The following METTL13 variants were observed in gnomAD, a reference collection of about 807,000 sequenced individuals.
The protein encoded by METTL13 is methyltransferase 13, eEF1A N-terminus and K55.
METTL13 carries 52 observed loss-of-function variants against 67.4 expected under a neutral mutation model. The observed-to-expected ratio is 0.77, with a 90% CI of 0.62 to 0.97. The LOEUF (loss-of-function observed/expected upper bound fraction) is 0.97. METTL13 is among the 50% of genes least tolerant of loss of function. METTL13 has a pLI of 0.00. For missense variants in METTL13, 825 were observed against 889.6 expected (o/e 0.93, Z 0.92); for synonymous variants, 354 against 353.6 (o/e 1.00, Z -0.01).
chr1:171,785,008 T>C (rs1049259556), intron 2 of METTL13, among the ~76,000 whole-genome samples: 1 of 152,202 alleles, frequency 6.6e-6, no homozygotes, highest in African/African-American at 2.4e-5. Flanking sequence ...CCAGACTGTT[T>C]GGGTTTCAGT....
rs150628966 is a variant in METTL13 at position 171,784,162 on chromosome 1, G to C, written c.576G>C (p.Gln192His). The C allele has an allele frequency of 3.7e-6, 6 of 1,614,132 alleles. No homozygotes were observed. Among genetic ancestry groups the C allele is most frequent in the Non-Finnish European group, 5.1e-6 (6 of 1,180,058 alleles). Residue 192 changes from glutamine (Q) to histidine (H), a missense_variant, in exon 2 of 8, where the codon CAG becomes CAC. Transcript: ENST00000361735. ...RVHQVANSQD[Q>H]VLEAEPQFSL... ...ACCAAGTGGCCAACAGCCAGGACCA[G>C]GTGTTGGAAGCAGAGCCTCAGTTCT...
chr1:171,793,831 G>A (rs918541743), intron 6 of METTL13, among the ~76,000 whole-genome samples: 4 of 152,204 alleles, frequency 2.6e-5, no homozygotes, highest in Admixed American at 2.0e-4. Flanking sequence ...AAAATGTGCT[G>A]TTTTCAGAGT....
intron 7 of METTL13, among the ~76,000 whole-genome samples, chr1:171,795,019 T>A (rs538894084): frequency 1.3e-5 from 2 of 152,190 alleles, no homozygotes; most frequent in South Asian, 2.1e-4. Context: ...AGAGATAGGA[T>A]CTCAACATGT....
At chr1:171,796,434 T>A in intron 7 of METTL13, 48 bp from the exon 8 acceptor site, 1 of 1,598,060 alleles carries the variant, frequency 6.3e-7, no homozygotes, top group South Asian at 1.1e-5. Context: ...TTGTCTTTCA[T>A]ATGTCTCCTG....
At chr1:171,785,695 C>A (rs148653663) in intron 2 of METTL13, among the ~76,000 whole-genome samples, 184 bp from the exon 3 acceptor site, 162 of 152,286 alleles carry the variant, frequency 1.1e-3, no homozygotes, top group African/African-American at 3.6e-3. Context: ...CTTGGTCCTG[C>A]CTTATGTCTG....
intron 4 of METTL13, among the ~76,000 whole-genome samples, chr1:171,789,718 G>A (rs1657139446): frequency 6.6e-6 from 1 of 152,080 alleles, no homozygotes; most frequent in Admixed American, 6.6e-5. Flanking sequence ...TTTCTTAGAC[G>A]GGAGGTACCA....
At chr1:171,785,386 C>A (rs1656975977) in intron 2 of METTL13, among the ~76,000 whole-genome samples, 1 of 152,240 alleles carries the variant, frequency 6.6e-6, no homozygotes, top group African/African-American at 2.4e-5. Flanking sequence ...GCAGTGAATA[C>A]AAGCGTGGGT....
Position 171,797,016 on chromosome 1 carries a change from G to C in METTL13, c.*260G>C, listed in dbSNP as rs2029863473. 4.3e-6 allele frequency: 2 copies of C among 464,644 alleles called. No homozygotes were observed. Among genetic ancestry groups the C allele is most frequent in the East Asian group, 8.3e-5 (2 of 24,030 alleles). The allele number at this position is 464,644 out of a possible 1,614,324, so 28.8% of individuals were successfully genotyped here. ...ACCACGTCCTTGAGTGGAGTTCCCT[G>C]CTGAAGCCCCTAGCACACACTGCAT... On this transcript the variant is annotated 3_prime_UTR_variant, in exon 8 of 8. Transcript: ENST00000361735.
At chr1:171,791,874 C>A in intron 5 of METTL13, 143 bp from the exon 6 acceptor site, 1 of 749,622 alleles carries the variant, frequency 1.3e-6, no homozygotes, top group Non-Finnish European at 2.2e-6. Flanking sequence ...TCCTAGATTT[C>A]TGAAATGAGA....
At chr1:171,789,729 G>C (rs904302730) in intron 4 of METTL13, among the ~76,000 whole-genome samples, 1 of 152,062 alleles carries the variant, frequency 6.6e-6, no homozygotes, top group Non-Finnish European at 1.5e-5. Flanking sequence ...GGAGGTACCA[G>C]GGCTCCTCAG....
chr1:171,796,770 G>C lies in METTL13; in HGVS notation c.*14G>C, dbSNP rs769294426. 1.1e-5 allele frequency: 18 copies of C among 1,611,852 alleles called. No individual in the cohort carries two copies. The South Asian group carries it at 2.0e-4, about 18-fold the overall frequency. ...AAAATTGTGTGACTGCTTAGGCCAA[G>C]CAGCCCTCCTGCCTAGACTGACCTT... is the stretch of plus-strand genomic sequence containing the variant. On this transcript the variant is annotated 3_prime_UTR_variant, in exon 8 of 8. Transcript: ENST00000361735.
rs746926132 is a variant in METTL13 at position 171,783,886 on chromosome 1, C to T, written c.300C>T (p.Phe100=). The T allele has an allele frequency of 1.2e-6, 2 of 1,614,214 alleles. No homozygotes were observed. The highest frequency in any genetic ancestry group is 2.2e-5 in the South Asian group (2 of 91,082). ...CCACCCGACGGCCCCAGATGAGCTTCTTGAAGATGGACATGACGCAGATGG... is the reference window on the plus strand; with the variant it reads ...CCACCCGACGGCCCCAGATGAGCTTTTTGAAGATGGACATGACGCAGATGG... The part of the protein sequence containing the change: ...CNATRRPQMS[F]LKMDMTQMEF... Residue 100 remains phenylalanine, a synonymous_variant, in exon 2 of 8, where the codon TTC becomes TTT. Transcript: ENST00000361735.
At chr1:171,785,857 G>C (rs1656989836) in intron 2 of METTL13, 22 bp from the exon 3 acceptor site, 4 of 1,609,836 alleles carry the variant, frequency 2.5e-6, no homozygotes, top group African/African-American at 1.3e-5. Flanking sequence ...AGGACTCCCT[G>C]TAACCAAGTT....
At chr1:171,789,606 A>G (rs1048130117) in intron 4 of METTL13, among the ~76,000 whole-genome samples, 1 of 152,222 alleles carries the variant, frequency 6.6e-6, no homozygotes, top group Non-Finnish European at 1.5e-5. Context: ...CTAAAAAAAT[A>G]AAAGTTACGG....
rs1363695380 is a variant in METTL13, at chr1:171,781,758, G to A, written c.-210G>A. The A allele has an allele frequency of 1.4e-6, 2 of 1,380,136 alleles. No homozygotes were observed. Among genetic ancestry groups the A allele is most frequent in the Non-Finnish European group, 1.9e-6 (2 of 1,064,934 alleles). 85.5% of individuals were successfully genotyped at this position (1,380,136 alleles called of 1,614,324 possible). A position where few individuals can be genotyped will look rare whatever the true frequency, so the allele number is the denominator to read the frequency against. Reference sequence around the variant, plus strand: ...AGCAGGCGCGGAGGAGGGGGCAAGCGTGTGTGAGATTCAGTGGTCCATGCG... The same window carrying A: ...AGCAGGCGCGGAGGAGGGGGCAAGCATGTGTGAGATTCAGTGGTCCATGCG... On this transcript the variant is annotated 5_prime_UTR_variant, in exon 1 of 8. It adds an upstream start codon to the 5' untranslated region. Transcript: ENST00000361735.
intron 5 of METTL13, chr1:171,790,953 A>C (rs1268533483): frequency 2.3e-5 from 4 of 177,630 alleles, no homozygotes; most frequent in Non-Finnish European, 4.7e-5. Flanking sequence ...TATTTGAACA[A>C]AAGATGCAAT....
intron 4 of METTL13, among the ~76,000 whole-genome samples, chr1:171,789,213 T>C (rs1233305969): frequency 6.6e-6 from 1 of 152,194 alleles, no homozygotes; most frequent in Non-Finnish European, 1.5e-5. Context: ...GGAGAGCATA[T>C]TAAAAAGTGA....
At chr1:171,785,003 CTGTT>C (rs1269410153) in intron 2 of METTL13, among the ~76,000 whole-genome samples, 1 of 152,182 alleles carries the variant, frequency 6.6e-6, no homozygotes, top group Non-Finnish European at 1.5e-5. Context: ...TGGAACCAGA[CTGTT>C]TGGGTTTCAG....
chr1:171,788,433 G>T lies in METTL13; in HGVS notation c.1309+503G>T, dbSNP rs563147757. ...GTCGCGACTAGCCATATGTAGTGCTGAGCGTTTGGAATGTGGCTAGTGTAA... is the reference window on the plus strand; with the variant it reads ...GTCGCGACTAGCCATATGTAGTGCTTAGCGTTTGGAATGTGGCTAGTGTAA... On this transcript the variant is annotated intron_variant, in intron 4 of 7. Transcript: ENST00000361735. Among the ~76,000 whole-genome samples, 6 of 152,352 alleles carry T rather than the reference G, an allele frequency of 3.9e-5. No individual in the cohort carries two copies. In the South Asian group the frequency reaches 6.2e-4, roughly 16 times the overall value.
Sources: allele counts gnomAD v4.1 joint callset (sites outside exome capture counted in the v4.1 genomes callset), GRCh38; gene constraint gnomAD v4.1.1; transcripts MANE v1.5; gene names NCBI Gene and HGNC (gene_info 2026-07-23, HGNC 2026-07-21).